RBFOX1: variants seen among roughly 807,000 people sequenced by gnomAD.
RBFOX1 encodes the protein RNA binding fox-1 homolog 1, also known as RNA binding protein fox-1 homolog 1.
RBFOX1 carries 8 observed loss-of-function variants against 57.7 expected under a neutral mutation model. The observed-to-expected ratio is 0.14, with a 90% CI of 0.08 to 0.25. The LOEUF is 0.25. RBFOX1 is among the 10% of genes least tolerant of loss of function. The pLI is 1.00. For missense variants in RBFOX1, 611 were observed against 548.5 expected (o/e 1.11, Z -1.14); for synonymous variants, 326 against 222.4 (o/e 1.47, Z -4.15).
chr16:5,265,438 C>T (rs1016385532), intron 1 of RBFOX1, among the ~76,000 whole-genome samples: 7 of 152,188 alleles, frequency 4.6e-5, no homozygotes, highest in African/African-American at 1.7e-4. Context: ...AATGCTTTTG[C>T]TTTGTTGTCC....
intron 2 of RBFOX1, among the ~76,000 whole-genome samples, chr16:6,611,837 G>C (rs1293652871): frequency 6.6e-6 from 1 of 152,044 alleles, no homozygotes; most frequent in Non-Finnish European, 1.5e-5. Context: ...CCAAGGCCCT[G>C]TCTCCCGCTG....
intron 14 of RBFOX1, among the ~76,000 whole-genome samples, chr16:7,685,511 C>T (rs1050249821): frequency 1.3e-5 from 2 of 152,070 alleles, no homozygotes; most frequent in African/African-American, 4.8e-5. Context: ...TACTGACCCT[C>T]AGTTTTTTCC....
chr16:6,105,381 C>G (rs539785349), intron 1 of RBFOX1, among the ~76,000 whole-genome samples: 1 of 151,468 alleles, frequency 6.6e-6, no homozygotes, highest in South Asian at 2.1e-4. Flanking sequence ...GTTTATAGCT[C>G]AGAAGGTAAA....
intron 1 of RBFOX1, among the ~76,000 whole-genome samples, chr16:6,024,451 A>G (rs1165941191): frequency 1.3e-5 from 2 of 152,192 alleles, no homozygotes; most frequent in Non-Finnish European, 2.9e-5. Context: ...GCTGATCTGT[A>G]TGGATCCATA....
At chr16:6,884,904 A>G (rs2063676228) in intron 3 of RBFOX1, among the ~76,000 whole-genome samples, 1 of 152,176 alleles carries the variant, frequency 6.6e-6, no homozygotes, top group Non-Finnish European at 1.5e-5. Flanking sequence ...TTTCAAACAA[A>G]CAAACAAAAC....
intron 3 of RBFOX1, among the ~76,000 whole-genome samples, chr16:6,921,411 C>G (rs564827932): frequency 9.9e-5 from 15 of 152,042 alleles, no homozygotes; most frequent in African/African-American, 3.6e-4. Context: ...GTTGTTGGCA[C>G]AATTTATTTC....
At chr16:7,615,943 G>T (rs1019556117) in intron 10 of RBFOX1, among the ~76,000 whole-genome samples, 1 of 152,166 alleles carries the variant, frequency 6.6e-6, no homozygotes, top group African/African-American at 2.4e-5. Context: ...ATGCCCCACT[G>T]GTTGCTACCA....
intron 3 of RBFOX1, among the ~76,000 whole-genome samples, chr16:7,011,005 G>GT (rs1394080484): frequency 2.0e-5 from 3 of 151,806 alleles, no homozygotes; most frequent in African/African-American, 7.3e-5. Flanking sequence ...TATTTTGTTT[G>GT]TTGTTTGTTT....
chr16:6,805,931 T>A (rs940541402), intron 3 of RBFOX1, among the ~76,000 whole-genome samples: 3 of 152,196 alleles, frequency 2.0e-5, no homozygotes, highest in African/African-American at 4.8e-5. Flanking sequence ...TTGCTTTAGT[T>A]CTAAACCATA....
chr16:6,663,551 T>C (rs572669967), intron 3 of RBFOX1, among the ~76,000 whole-genome samples: 4 of 152,304 alleles, frequency 2.6e-5, no homozygotes, highest in African/African-American at 7.2e-5. Context: ...GGAGTATTCA[T>C]GAAGGAGTTT....
intron 2 of RBFOX1, among the ~76,000 whole-genome samples, chr16:6,636,871 ATG>A (rs2098440445): frequency 7.6e-6 from 1 of 132,056 alleles, no homozygotes; most frequent in African/African-American, 2.8e-5. Context: ...TATATATTAT[ATG>A]TTTAATATAT....
intron 3 of RBFOX1, among the ~76,000 whole-genome samples, chr16:7,015,981 C>T (rs1216164651): frequency 6.6e-6 from 1 of 152,106 alleles, no homozygotes; most frequent in Non-Finnish European, 1.5e-5. Context: ...TGATAGGCAA[C>T]ACCAGTAGTT....
intron 2 of RBFOX1, among the ~76,000 whole-genome samples, chr16:5,578,797 A>T (rs1008832977): frequency 6.6e-6 from 1 of 151,186 alleles, no homozygotes; most frequent in Non-Finnish European, 1.5e-5. Flanking sequence ...TTGCGCTTCA[A>T]TCCCAAAAGT....
intron 4 of RBFOX1, among the ~76,000 whole-genome samples, chr16:7,431,583 A>G (rs1359696477): frequency 1.3e-5 from 2 of 152,220 alleles, no homozygotes; most frequent in Non-Finnish European, 2.9e-5. Flanking sequence ...TGCTGGTAAA[A>G]TACACGTAAC....
chr16:6,900,588 G>A (rs538196045), intron 3 of RBFOX1, among the ~76,000 whole-genome samples: 220 of 152,140 alleles, frequency 1.4e-3, no homozygotes, highest in African/African-American at 5.1e-3. Flanking sequence ...GTCTTTTCCA[G>A]TTTTAGCAAT....
intron 3 of RBFOX1, among the ~76,000 whole-genome samples, chr16:7,000,673 C>T (rs1410829918): frequency 7.8e-5 from 10 of 128,558 alleles, no homozygotes; most frequent in African/African-American, 2.3e-4. Context: ...GGCATGATCT[C>T]GGCTCACTGC....
intron 4 of RBFOX1, among the ~76,000 whole-genome samples, chr16:5,887,949 A>T (rs912941934): frequency 6.6e-6 from 1 of 152,202 alleles, no homozygotes; most frequent in Non-Finnish European, 1.5e-5. Context: ...AGGACCACAC[A>T]CACACATCAA....
intron 1 of RBFOX1, among the ~76,000 whole-genome samples, chr16:5,334,792 T>C (rs1043347772): frequency 9.2e-5 from 14 of 151,540 alleles, no homozygotes; most frequent in African/African-American, 3.4e-4. Context: ...GTGGTCATTG[T>C]CCTTAAGCTT....
intron 1 of RBFOX1, among the ~76,000 whole-genome samples, chr16:6,147,161 A>T (rs1446228528): frequency 2.0e-5 from 3 of 152,010 alleles, no homozygotes; most frequent in Non-Finnish European, 4.4e-5. Flanking sequence ...TCCCACTCCA[A>T]CTGTTACCTA....
Sources: allele counts gnomAD v4.1 joint callset (sites outside exome capture counted in the v4.1 genomes callset), GRCh38; gene constraint gnomAD v4.1.1; transcripts MANE v1.5; gene names NCBI Gene and HGNC (gene_info 2026-07-23, HGNC 2026-07-21).